The following ANKMY1 variants were observed in gnomAD, a reference collection of about 807,000 sequenced individuals.
ANKMY1 encodes the protein ankyrin repeat and MYND domain-containing protein 1.
ANKMY1 carries 98 observed loss-of-function variants against 102.0 expected under a neutral mutation model. The ratio of observed to expected loss-of-function variants is 0.96; its 90% CI spans 0.82 to 1.14. ANKMY1 has a LOEUF of 1.14. Ranked by LOEUF, ANKMY1 falls within the 50% of genes most tolerant of loss-of-function variation. The probability of loss-of-function intolerance (pLI) is 0.00; values close to 1 mark genes in which losing one functional copy is unlikely to be tolerated. For synonymous variants in ANKMY1, 582 were observed against 559.9 expected (o/e 1.04, Z -0.56); for missense variants, 1,330 against 1,347.6 (o/e 0.99, Z 0.20).
At chr2:240,548,301 C>G (rs981924522) in intron 4 of ANKMY1, among the ~76,000 whole-genome samples, 14 of 152,132 alleles carry the variant, frequency 9.2e-5, no homozygotes, top group African/African-American at 3.4e-4. Flanking sequence ...AGACCTTTGA[C>G]AAAATTCAAC....
intron 4 of ANKMY1, among the ~76,000 whole-genome samples, chr2:240,551,466 G>A (rs61556751): frequency 0.032 from 4,942 of 152,278 alleles, 111 homozygotes; most frequent in Middle Eastern, 0.13. Context: ...ATGGCCTTGC[G>A]AGAGGTTCCG....
chr2:240,528,960 C>T (rs1019833702), intron 5 of ANKMY1, 77 bp downstream of exon 5: 21 of 1,364,784 alleles, frequency 1.5e-5, no homozygotes, highest in African/African-American at 1.0e-4. Context: ...GGCAGCTGGC[C>T]GGGGACCTCA....
chr2:240,510,370 C>A (rs578130996), intron 11 of ANKMY1, among the ~76,000 whole-genome samples: 1 of 151,998 alleles, frequency 6.6e-6, no homozygotes, highest in Non-Finnish European at 1.5e-5. Context: ...TCCCTGGGAA[C>A]CCCTCTGTTT....
intron 4 of ANKMY1, among the ~76,000 whole-genome samples, chr2:240,543,438 G>T (rs2089522142): frequency 1.3e-5 from 2 of 151,686 alleles, no homozygotes; most frequent in South Asian, 4.2e-4. Flanking sequence ...TTTTATATTT[G>T]TCTTTGCTAG....
intron 9 of ANKMY1, among the ~76,000 whole-genome samples, chr2:240,514,697 A>T (rs1031819217): frequency 6.6e-6 from 1 of 152,208 alleles, no homozygotes; most frequent in Non-Finnish European, 1.5e-5. Context: ...AAGGTGCAAA[A>T]TGCATTGAAG....
chr2:240,505,495 A>C (rs2078924577), intron 13 of ANKMY1, among the ~76,000 whole-genome samples: 1 of 152,050 alleles, frequency 6.6e-6, no homozygotes, highest in Non-Finnish European at 1.5e-5. Context: ...GAATGATTAT[A>C]CCATAGGACC....
At chr2:240,512,084 C>A (rs2080308122) in intron 10 of ANKMY1, 83 bp from the exon 11 acceptor site, 5 of 1,428,272 alleles carry the variant, frequency 3.5e-6, no homozygotes, top group Non-Finnish European at 4.6e-6. Context: ...GGAGCTTCCT[C>A]CCCAGCCTGC....
intron 4 of ANKMY1, among the ~76,000 whole-genome samples, chr2:240,531,824 A>T (rs2085462587): frequency 6.6e-6 from 1 of 152,232 alleles, no homozygotes; most frequent in South Asian, 2.1e-4. Context: ...AAATGACTAT[A>T]TGCATTTGCT....
chr2:240,509,210 T>A lies in ANKMY1; in HGVS notation c.2394+138A>T, dbSNP rs987894709. The A allele has an allele frequency of 4.3e-5, 28 of 652,714 alleles. No homozygotes were observed. The African/African-American group carries it at 5.5e-4, about 13-fold the overall frequency. The allele number at this position is 652,714 out of a possible 1,614,324, so 40.4% of individuals were successfully genotyped here. ...GTGGATAGATGGGTGGGTGAGTGGA[T>A]GGGTGGATGGATGAATGGATGGATG... On this transcript the variant is annotated intron_variant, in intron 12 of 17. Coordinates refer to ENST00000401804, the MANE Select transcript of ANKMY1 (RefSeq NM_001282771.3).
In ANKMY1 at chr2:240,506,563, A is replaced by G. The variant is rs1255948000; in HGVS notation, c.2526+997T>C. 2.0e-5 allele frequency among the ~76,000 whole-genome samples: 3 copies of G among 152,146 alleles called. No homozygotes were observed. Among genetic ancestry groups the G allele is most frequent in the Admixed American group, 1.3e-4 (2 of 15,286 alleles). On this transcript the variant is annotated intron_variant, in intron 13 of 17. Coordinates refer to ENST00000401804, the MANE Select transcript of ANKMY1 (RefSeq NM_001282771.3). This position sits in a 1 kb window ranked among gnomAD's most constrained non-coding sequence, Gnocchi z 4.9. ...TTTTAAGTAAAGCTACCCTTTTGTG[A>G]CGTCAAACAACCTTCCAGACGCCTG...
At chr2:240,526,802 T>C (rs369925129) in intron 5 of ANKMY1, 1 of 1,210,626 alleles carries the variant, frequency 8.3e-7, no homozygotes, top group Non-Finnish European at 1.0e-6. Flanking sequence ...CCAACATACA[T>C]GTGGTTCCAG....
intron 4 of ANKMY1, chr2:240,532,225 C>A: frequency 2.7e-6 from 1 of 369,640 alleles, no homozygotes; most frequent in African/African-American, 2.2e-5. Context: ...CAGCTGACTT[C>A]TCAACAGCAA....
At position 240,520,552 on chromosome 2, in the gene ANKMY1, C is replaced by T. The variant is rs776578264; in HGVS notation, c.1833-19G>A. 2.5e-6 allele frequency: 4 copies of T among 1,603,028 alleles called. No homozygotes were observed. The highest frequency in any genetic ancestry group is 3.4e-6 in the Non-Finnish European group (4 of 1,174,314). ...CCTCCGCCTGAAAAAGACGGTGCGC[C>T]CGTGGGCCCCTGGAGGGCAGGCACC... On this transcript the variant is annotated intron_variant, in intron 8 of 17. Transcript: ENST00000401804. The surrounding 1 kb of genome is among the most constrained non-coding windows in gnomAD (Gnocchi z 4.8).
downstream of ANKMY1, among the ~76,000 whole-genome samples, chr2:240,478,137 T>C (rs769950244): frequency 2.0e-5 from 3 of 152,176 alleles, no homozygotes; most frequent in Non-Finnish European, 4.4e-5. Flanking sequence ...CCATGCGAAG[T>C]GCCGGCTTCC....
intron 4 of ANKMY1, among the ~76,000 whole-genome samples, chr2:240,535,623 C>T (rs1348057658): frequency 2.0e-5 from 3 of 152,162 alleles, no homozygotes; most frequent in Admixed American, 6.5e-5. Context: ...TTTCTTGTCA[C>T]ATAATGTTAT....
intron 4 of ANKMY1, among the ~76,000 whole-genome samples, chr2:240,545,381 G>A (rs1339635703): frequency 1.1e-4 from 16 of 152,158 alleles, no homozygotes; most frequent in Admixed American, 5.9e-4. Context: ...ATCAAAGACC[G>A]AAAGTAGATA....
At chr2:240,523,825 A>G in intron 8 of ANKMY1, 60 bp downstream of exon 8, 1 of 1,571,436 alleles carries the variant, frequency 6.4e-7, no homozygotes, top group Non-Finnish European at 8.6e-7. Flanking sequence ...GGGTCTGCTG[A>G]GCATAGGATT....
At chr2:240,474,262 AT>A in the ANKMY1 span, among the ~76,000 whole-genome samples, 3,934 of 90,904 alleles carry the variant, frequency 0.043, 196 homozygotes, top group East Asian at 0.13. Context: ...TGCCTGGCTA[AT>A]TTTTTTTTTT....
chr2:240,561,024 T>G, upstream of ANKMY1: 1 of 1,536,154 alleles, frequency 6.5e-7, no homozygotes, highest in Non-Finnish European at 8.7e-7. Context: ...GGCCGCCGTC[T>G]GCACCGCGTA....
Sources: gnomAD v4.1 joint callset for allele counts (sites outside exome capture counted in the v4.1 genomes callset) on GRCh38, gnomAD v4.1.1 for gene constraint, Gnocchi (gnomAD v3.1) non-coding constraint, MANE v1.5 for transcripts, NCBI Gene and HGNC (gene_info 2026-07-23, HGNC 2026-07-21) for gene names.